Variants in EPM2A observed in about 807,000 individuals in gnomAD.
EPM2A encodes laforin.
EPM2A carries 21 observed loss-of-function variants against 26.5 expected under a neutral mutation model. The ratio of observed to expected loss-of-function variants is 0.79; its 90% CI spans 0.56 to 1.14. The LOEUF is 1.14. Among genes scored for constraint, EPM2A ranks in the 50% most tolerant of loss-of-function variants. The pLI, the probability that EPM2A is intolerant of heterozygous loss-of-function variation, is 0.00. For synonymous variants in EPM2A, 217 were observed against 177.6 expected, an observed-to-expected ratio of 1.22 and a Z score of -1.76; for missense variants, 458 against 440.8, an observed-to-expected ratio of 1.04 and a Z score of -0.35.
intron 2 of EPM2A, among the ~76,000 whole-genome samples, chr6:145,658,501 A>T (rs544937173): frequency 6.6e-6 from 1 of 152,284 alleles, no homozygotes; most frequent in South Asian, 2.1e-4. Context: ...TGCTTTTCCT[A>T]TTCTTTTCAT....
intron 2 of EPM2A, among the ~76,000 whole-genome samples, chr6:145,524,171 T>G (rs944060322): frequency 1.3e-5 from 2 of 152,228 alleles, no homozygotes; most frequent in South Asian, 4.1e-4. Context: ...GTACTATATT[T>G]TCTTTATTCA....
intron 2 of EPM2A, among the ~76,000 whole-genome samples, chr6:145,536,481 G>T (rs773796732): frequency 6.6e-6 from 1 of 151,980 alleles, no homozygotes. Context: ...TTTTTTAGTA[G>T]AGACGGGGTC....
chr6:145,541,346 G>C (rs77461376), intron 2 of EPM2A, among the ~76,000 whole-genome samples: 1 of 148,288 alleles, frequency 6.7e-6, no homozygotes, highest in Non-Finnish European at 1.5e-5. Context: ...ATGTGTGTGT[G>C]TATATATATA....
intron 1 of EPM2A, among the ~76,000 whole-genome samples, chr6:145,711,289 A>G (rs1276254640): frequency 1.3e-5 from 2 of 152,208 alleles, no homozygotes; most frequent in African/African-American, 2.4e-5. Flanking sequence ...GGCTGAAGAA[A>G]TACTCATTAT....
chr6:145,559,886 C>T (rs1323575499), intron 2 of EPM2A, among the ~76,000 whole-genome samples: 7 of 151,894 alleles, frequency 4.6e-5, no homozygotes, highest in Non-Finnish European at 8.8e-5. Context: ...ATTCATAAAG[C>T]CAGGATTTGT....
chr6:145,424,289 C>T (rs76529053), intron 4 of EPM2A, among the ~76,000 whole-genome samples: 12,960 of 152,124 alleles, frequency 0.085, 651 homozygotes, highest in African/African-American at 0.14. Flanking sequence ...AGGGATGTGA[C>T]GTTAAGTTGA....
intron 4 of EPM2A, among the ~76,000 whole-genome samples, chr6:145,392,651 A>AT (rs557091570): frequency 1.1e-3 from 163 of 152,176 alleles, no homozygotes; most frequent in African/African-American, 3.8e-3. Context: ...TCTTGTGACT[A>AT]TTATCAAGGA....
intron 4 of EPM2A, among the ~76,000 whole-genome samples, chr6:145,445,079 ACACT>A (rs1372468163): frequency 4.6e-5 from 7 of 152,158 alleles, no homozygotes; most frequent in African/African-American, 1.7e-4. Flanking sequence ...TCACACCTCA[ACACT>A]CACTCAGGCA....
chr6:145,699,309 C>T (rs887504815), intron 1 of EPM2A, among the ~76,000 whole-genome samples: 1 of 151,880 alleles, frequency 6.6e-6, no homozygotes, highest in African/African-American at 2.4e-5. Context: ...AACAGAGTAC[C>T]AAAGGATTGC....
chr6:145,669,745 TTGTTA>T (rs1279265779), intron 2 of EPM2A, among the ~76,000 whole-genome samples: 1 of 152,214 alleles, frequency 6.6e-6, no homozygotes, highest in Non-Finnish European at 1.5e-5. Context: ...TCTTCTGTAT[TTGTTA>T]TAAGAAAGAA....
chr6:145,496,728 ATT>A (rs1554244200), downstream of EPM2A, among the ~76,000 whole-genome samples: 9 of 106,894 alleles, frequency 8.4e-5, 1 homozygote, highest in South Asian at 1.8e-3. Flanking sequence ...AGTTCCTGCA[ATT>A]TTTTTTTTTT....
chr6:145,709,351 T>C (rs1164168139), intron 1 of EPM2A, among the ~76,000 whole-genome samples: 7 of 152,190 alleles, frequency 4.6e-5, no homozygotes, highest in Admixed American at 3.9e-4. Flanking sequence ...CCATATCTCA[T>C]GGGAGGGACC....
At chr6:145,550,714 A>G (rs972485404) in intron 2 of EPM2A, among the ~76,000 whole-genome samples, 4 of 152,098 alleles carry the variant, frequency 2.6e-5, no homozygotes, top group African/African-American at 9.7e-5. Flanking sequence ...ACAAGGATGA[A>G]GACTTTTAAT....
At chr6:145,388,077 A>T (rs926577569) in intron 4 of EPM2A, among the ~76,000 whole-genome samples, 4 of 152,224 alleles carry the variant, frequency 2.6e-5, no homozygotes, top group Admixed American at 6.5e-5. Context: ...TACATTTTTT[A>T]AAAATGAAGT....
At chr6:145,677,084 C>T (rs1259330776) in intron 2 of EPM2A, among the ~76,000 whole-genome samples, 1 of 152,192 alleles carries the variant, frequency 6.6e-6, no homozygotes, top group African/African-American at 2.4e-5. Context: ...GCTTATCCTC[C>T]ACAATCAAGC....
At chr6:145,628,552 T>C (rs1352406087) in intron 3 of EPM2A, 1 of 152,160 alleles carries the variant, frequency 6.6e-6, no homozygotes, top group East Asian at 1.9e-4. Context: ...AGTTGGGTTT[T>C]TTGTTTGTTT....
chr6:145,561,205 A>T (rs1448862216), intron 2 of EPM2A, among the ~76,000 whole-genome samples: 2 of 148,920 alleles, frequency 1.3e-5, no homozygotes, highest in South Asian at 4.2e-4. Flanking sequence ...ACAAATACCA[A>T]TTGTGTTTAA....
intron 2 of EPM2A, among the ~76,000 whole-genome samples, chr6:145,571,458 AGGCAT>A (rs1562386830): frequency 6.6e-6 from 1 of 152,244 alleles, no homozygotes; most frequent in Non-Finnish European, 1.5e-5. Context: ...ATGGTGGATA[AGGCAT>A]TCTGTGAGTC....
intron 1 of EPM2A, among the ~76,000 whole-genome samples, chr6:145,704,593 T>C (rs1562505625): frequency 6.6e-6 from 1 of 152,184 alleles, no homozygotes; most frequent in Non-Finnish European, 1.5e-5. Context: ...GTCCTATACT[T>C]ATACAGCAAA....
Sources: allele counts gnomAD v4.1 joint callset (sites outside exome capture counted in the v4.1 genomes callset), GRCh38; gene constraint gnomAD v4.1.1; transcripts MANE v1.5; gene names NCBI Gene and HGNC (gene_info 2026-07-23, HGNC 2026-07-21).